The following TDRD1 variants were observed in gnomAD, a reference collection of about 807,000 sequenced individuals.
TDRD1 encodes tudor domain containing 1, also known as tudor domain-containing protein 1.
TDRD1 carries 37 observed loss-of-function variants against 140.6 expected under a neutral mutation model. The observed-to-expected ratio is 0.26, with a 90% CI of 0.20 to 0.35. The LOEUF (loss-of-function observed/expected upper bound fraction) is 0.35, where lower values mean the gene tolerates loss of function less well. Ranked by LOEUF, TDRD1 falls within the 10% of genes least tolerant of loss-of-function variation. The probability of loss-of-function intolerance (pLI) is 1.00; values close to 1 mark genes in which losing one functional copy is unlikely to be tolerated. For missense variants in TDRD1, 1,243 were observed against 1,393.0 expected (o/e 0.89, Z 1.71); for synonymous variants, 506 against 475.7 (o/e 1.06, Z -0.83).
chr10:114,188,193 T>C, intron 2 of TDRD1, 37 bp downstream of exon 2: 1 of 1,524,124 alleles, frequency 6.6e-7, no homozygotes. Context: ...TTCTTCATTC[T>C]CATGGTTTCT....
chr10:114,213,592 A>G lies in TDRD1; in HGVS notation c.2074+4A>G. The G allele has an allele frequency of 6.2e-7, 1 of 1,613,000 alleles. No individual in the cohort carries two copies. Among genetic ancestry groups the G allele is most frequent in the Non-Finnish European group, 8.5e-7 (1 of 1,179,156 alleles). On this transcript the variant is annotated splice_donor_region_variant and intron_variant, in intron 15 of 25. Coordinates refer to ENST00000251864, the Ensembl canonical transcript of TDRD1. ...AGTGACGTGAAAGAAACCAGTGGTA[A>G]GTCAAATGTTTACTGGATAATGCCT... is the stretch of plus-strand genomic sequence containing the variant.
At chr10:114,197,340 C>T (rs189995120) in intron 3 of TDRD1, among the ~76,000 whole-genome samples, 2 of 152,098 alleles carry the variant, frequency 1.3e-5, no homozygotes, top group Non-Finnish European at 2.9e-5. Flanking sequence ...GTTTTCCCTC[C>T]ATTATGCTAG....
At chr10:114,216,387 TTG>T (rs1420352779) in intron 16 of TDRD1, among the ~76,000 whole-genome samples, 2 of 152,176 alleles carry the variant, frequency 1.3e-5, no homozygotes, top group African/African-American at 4.8e-5. Context: ...CTCACAAACA[TTG>T]TGTTTTTTCT....
chr10:114,203,349 G>A, intron 7 of TDRD1, 39 bp from the exon 8 acceptor site: 1 of 1,551,684 alleles, frequency 6.4e-7, no homozygotes, highest in Non-Finnish European at 8.7e-7. Context: ...TTCCTTGTGT[G>A]CCTTATGAAT....
rs147534470 is a variant in TDRD1, at chr10:114,217,583, G to A, written c.2251G>A (p.Glu751Lys). 2 of 1,604,440 alleles carry A rather than the reference G, an allele frequency of 1.2e-6. No individual in the cohort carries two copies. The highest frequency in any genetic ancestry group is 2.7e-5 in the African/African-American group (2 of 74,560). Reference sequence around the variant, plus strand: ...CAATGATTTGAACAAGTCATTAGCAGAACACTGCCAGCAGAAGTTACCTAA... The same window carrying A: ...CAATGATTTGAACAAGTCATTAGCAAAACACTGCCAGCAGAAGTTACCTAA... The change falls in exon 17 of 26, where the codon GAA (glutamate) becomes AAA (lysine). Residue 751 changes from glutamate (E) to lysine (K), a missense_variant. Transcript: ENST00000251864.
exon 7 of TDRD1, chr10:114,203,089 A>T (rs1350903537): frequency 2.5e-6 from 4 of 1,613,196 alleles, no homozygotes; most frequent in Admixed American, 1.7e-5. Context: ...GTCCACTTGG[A>T]GTTACTAAGG....
intron 11 of TDRD1, 84 bp from the exon 12 acceptor site, chr10:114,210,497 T>A: frequency 7.3e-7 from 1 of 1,371,508 alleles, no homozygotes; most frequent in Non-Finnish European, 9.7e-7. Flanking sequence ...TCATATTCGT[T>A]TTAAAATGAT....
chr10:114,231,574 A>G (rs867202477), exon 26 of TDRD1: 15 of 1,390,018 alleles, frequency 1.1e-5, no homozygotes, highest in Middle Eastern at 3.6e-4. Flanking sequence ...TGGTGTTTTT[A>G]TTTATGAGAA....
intron 12 of TDRD1, 39 bp from the exon 13 acceptor site, chr10:114,210,821 T>C: frequency 6.2e-7 from 1 of 1,612,512 alleles, no homozygotes; most frequent in African/African-American, 1.3e-5. Context: ...AAATAATGTA[T>C]AGATACGTAT....
In TDRD1 at chr10:114,201,393, T is replaced by C; in HGVS notation, c.530-17T>C. On this transcript the variant is annotated splice_polypyrimidine_tract_variant and intron_variant, in intron 4 of 25. Transcript: ENST00000251864. The stretch of plus-strand genomic sequence containing the variant: ...CTTGATCTTCATCTGAACTATTTTG[T>C]GGGTGGTGTTTTCTAGGATCGCTGA... The C allele has an allele frequency of 6.3e-7, 1 of 1,599,312 alleles. No homozygotes were observed. The highest frequency in any genetic ancestry group is 1.3e-5 in the African/African-American group (1 of 74,724).
At chr10:114,198,267 G>A (rs527843445) in intron 3 of TDRD1, among the ~76,000 whole-genome samples, 26 of 152,188 alleles carry the variant, frequency 1.7e-4, no homozygotes, top group Admixed American at 3.9e-4. Context: ...ATGAATGGTG[G>A]TGGAAAGTCT....
intron 11 of TDRD1, 98 bp from the exon 12 acceptor site, chr10:114,210,483 A>G (rs1445178799): frequency 1.1e-5 from 13 of 1,221,422 alleles, no homozygotes; most frequent in African/African-American, 1.5e-5. Flanking sequence ...CCTTGCAGTC[A>G]TAGTCATATT....
intron 4 of TDRD1, among the ~76,000 whole-genome samples, chr10:114,200,672 C>T (rs2034671585): frequency 6.6e-6 from 1 of 151,874 alleles, no homozygotes; most frequent in African/African-American, 2.4e-5. Flanking sequence ...TACAGGTGCG[C>T]ACCACCACAC....
chr10:114,205,656 G>A (rs1295264304), intron 10 of TDRD1, among the ~76,000 whole-genome samples: 1 of 152,158 alleles, frequency 6.6e-6, no homozygotes, highest in African/African-American at 2.4e-5. Context: ...ATTTCAAAGT[G>A]AGATCTTTTT....
chr10:114,205,794 CCTA>C (rs1459951695), intron 10 of TDRD1, among the ~76,000 whole-genome samples: 2 of 152,086 alleles, frequency 1.3e-5, no homozygotes, highest in Non-Finnish European at 2.9e-5. Context: ...CTGAATAAGA[CCTA>C]CTATTCGATA....
chr10:114,191,567 C>A (rs1359569201), intron 3 of TDRD1, among the ~76,000 whole-genome samples: 2 of 152,166 alleles, frequency 1.3e-5, no homozygotes, highest in African/African-American at 4.8e-5. Context: ...TCGTTCTATC[C>A]TTTTTATTGC....
At chr10:114,179,207 G>A (rs1206262247), upstream of TDRD1, 6 of 152,446 alleles carry the variant, frequency 3.9e-5, no homozygotes, top group East Asian at 1.2e-3. Context: ...CTGCTTCCGG[G>A]GAAGGCGGAG....
intron 8 of TDRD1, 47 bp downstream of exon 8, chr10:114,203,614 G>T: frequency 1.3e-6 from 2 of 1,532,124 alleles, no homozygotes; most frequent in East Asian, 2.3e-5. Flanking sequence ...AGCTAACTTT[G>T]GTCGTATGAA....
intron 18 of TDRD1, among the ~76,000 whole-genome samples, chr10:114,220,132 T>A (rs1294497727): frequency 1.3e-5 from 2 of 152,304 alleles, no homozygotes; most frequent in Admixed American, 1.3e-4. Context: ...AACAAGGGTG[T>A]AAGCCAAAAT....
Sources: gnomAD v4.1 joint callset for allele counts (sites outside exome capture counted in the v4.1 genomes callset) on GRCh38, gnomAD v4.1.1 for gene constraint, MANE v1.5 for transcripts, NCBI Gene and HGNC (gene_info 2026-07-23, HGNC 2026-07-21) for gene names.